SEMA3A: variants seen among roughly 807,000 people sequenced by gnomAD.
SEMA3A encodes semaphorin-3A.
In SEMA3A, 29 loss-of-function variants were observed where a neutral mutation model predicts 97.9. The ratio of observed to expected loss-of-function variants is 0.30; its 90% CI spans 0.22 to 0.40. The LOEUF is 0.40. Ranked by LOEUF, SEMA3A falls within the 10% of genes least tolerant of loss-of-function variation. The pLI, the probability that SEMA3A is intolerant of heterozygous loss-of-function variation, is 1.00. For synonymous variants in SEMA3A, 321 were observed against 323.7 expected (o/e 0.99, Z 0.09); for missense variants, 763 against 951.3 (o/e 0.80, Z 2.60).
At chr7:84,058,875 T>G (rs773989198) in intron 5 of SEMA3A, among the ~76,000 whole-genome samples, 1 of 152,034 alleles carries the variant, frequency 6.6e-6, no homozygotes, top group Non-Finnish European at 1.5e-5. Flanking sequence ...AACTGTGGAG[T>G]TTCGTTTTCT....
At chr7:84,195,423 G>T (rs544806970), upstream of SEMA3A, 7 of 64,740 alleles carry the variant, frequency 1.1e-4, no homozygotes, top group African/African-American at 5.5e-4. Flanking sequence ...GTATGTGTGC[G>T]TGTGTGTGTG....
intron 1 of SEMA3A, among the ~76,000 whole-genome samples, chr7:84,181,007 G>A (rs1301957163): frequency 1.3e-5 from 2 of 151,918 alleles, no homozygotes; most frequent in Admixed American, 6.6e-5. Context: ...AAAAAATTGG[G>A]AGTACAATAC....
chr7:84,425,625 T>C (rs1804798939), intron 1 of SEMA3A, among the ~76,000 whole-genome samples: 1 of 147,520 alleles, frequency 6.8e-6, no homozygotes, highest in African/African-American at 2.5e-5. Flanking sequence ...CATATATTTA[T>C]GTAAATATAA....
At chr7:84,157,169 C>A (rs759688688) in intron 1 of SEMA3A, among the ~76,000 whole-genome samples, 1 of 152,182 alleles carries the variant, frequency 6.6e-6, no homozygotes, top group East Asian at 1.9e-4. Flanking sequence ...ATTAACATGC[C>A]TTTGTGTATT....
At chr7:84,449,680 A>G (rs1805510291) in intron 1 of SEMA3A, among the ~76,000 whole-genome samples, 1 of 152,128 alleles carries the variant, frequency 6.6e-6, no homozygotes, top group African/African-American at 2.4e-5. Flanking sequence ...GAGTATATTA[A>G]TAAATATACT....
intron 3 of SEMA3A, among the ~76,000 whole-genome samples, chr7:84,286,491 C>T (rs1800591117): frequency 1.3e-5 from 2 of 152,030 alleles, no homozygotes; most frequent in African/African-American, 4.8e-5. Flanking sequence ...GGAAAGAAAA[C>T]CGTATTTAAA....
chr7:84,444,393 A>G (rs575136430), intron 1 of SEMA3A, among the ~76,000 whole-genome samples: 137 of 152,206 alleles, frequency 9.0e-4, no homozygotes, highest in Non-Finnish European at 1.3e-3. Context: ...GTCAAAAACA[A>G]GTGAGAAGTC....
At chr7:84,083,713 A>G (rs1794238475) in intron 4 of SEMA3A, among the ~76,000 whole-genome samples, 1 of 152,062 alleles carries the variant, frequency 6.6e-6, no homozygotes, top group Non-Finnish European at 1.5e-5. Context: ...ACTGACTCAG[A>G]TAAGTAATAA....
At chr7:84,140,202 T>C (rs911353120) in intron 1 of SEMA3A, among the ~76,000 whole-genome samples, 1 of 152,102 alleles carries the variant, frequency 6.6e-6, no homozygotes, top group Non-Finnish European at 1.5e-5. Flanking sequence ...ATACCAAGAC[T>C]GTATGTTTCC....
chr7:84,358,267 CAGGTCTAACATTTA>C (rs1562917913), intron 2 of SEMA3A, among the ~76,000 whole-genome samples: 1 of 151,930 alleles, frequency 6.6e-6, no homozygotes, highest in African/African-American at 2.4e-5. Flanking sequence ...TTTATGGTTT[CAGGTCTAACATTTA>C]AGTCTTTAAT....
intron 4 of SEMA3A, among the ~76,000 whole-genome samples, chr7:84,091,167 GGAAAGAAAGAAAGAAAGAAAGAAAGAAA>G (rs1165324789): frequency 2.3e-5 from 1 of 42,900 alleles, no homozygotes; most frequent in African/African-American, 7.7e-5. Flanking sequence ...AAGGAAGGAA[GGAAAGAAAGAAAGAAAGAAAGAAAGAAA>G]GAAAGAAAGA....
At chr7:84,422,409 T>C (rs1299400766) in intron 1 of SEMA3A, among the ~76,000 whole-genome samples, 1 of 151,640 alleles carries the variant, frequency 6.6e-6, no homozygotes, top group African/African-American at 2.4e-5. Flanking sequence ...CTTCTCTCTT[T>C]TATTCTTTAT....
rs867923847 is a variant in SEMA3A at position 83,986,843 on chromosome 7, A to T, written c.1453-1366T>A. ...TTCAGTTTTCTCATTTGAAAGTTAG[A>T]TGGTACCTCTTATGGGGTGGTGATA... On this transcript the variant is annotated intron_variant, in intron 12 of 16. Transcript: ENST00000265362. 4.1e-4 allele frequency among the ~76,000 whole-genome samples: 54 copies of T among 131,582 alleles called. 1 individual carries two copies. The highest frequency in any genetic ancestry group is 1.5e-3 in the African/African-American group (53 of 36,198). The allele number at this position is 131,582 out of a possible 152,430, so 86.3% of individuals were successfully genotyped here.
At chr7:84,423,337 A>G (rs1301355885) in intron 1 of SEMA3A, among the ~76,000 whole-genome samples, 2 of 152,058 alleles carry the variant, frequency 1.3e-5, no homozygotes, top group South Asian at 2.1e-4. Context: ...CTTCCACTGC[A>G]GTCCCACTGA....
At chr7:84,444,246 C>A (rs1358345875) in intron 1 of SEMA3A, among the ~76,000 whole-genome samples, 1 of 152,004 alleles carries the variant, frequency 6.6e-6, no homozygotes, top group Admixed American at 6.6e-5. Context: ...TGTTAAAATT[C>A]TTTGAAGAAA....
intron 6 of SEMA3A, among the ~76,000 whole-genome samples, chr7:84,016,695 G>A (rs532755842): frequency 6.6e-6 from 1 of 152,210 alleles, no homozygotes; most frequent in East Asian, 1.9e-4. Flanking sequence ...TTCAAACTGA[G>A]ATCTATTCAC....
chr7:83,970,330 G>A (rs752247436), intron 15 of SEMA3A, among the ~76,000 whole-genome samples: 32 of 152,088 alleles, frequency 2.1e-4, no homozygotes, highest in Non-Finnish European at 4.1e-4. Context: ...GCTTCCTTTT[G>A]TAACAACAAA....
chr7:84,259,587 C>T (rs1243076623), intron 3 of SEMA3A, among the ~76,000 whole-genome samples: 1 of 151,752 alleles, frequency 6.6e-6, no homozygotes, highest in Non-Finnish European at 1.5e-5. Context: ...AATTTTCCTG[C>T]AATAAATCCT....
At chr7:84,132,013 A>G (rs544683337) in intron 2 of SEMA3A, among the ~76,000 whole-genome samples, 1 of 152,008 alleles carries the variant, frequency 6.6e-6, no homozygotes, top group African/African-American at 2.4e-5. Context: ...GGGTTTCACT[A>G]TGTTGCACAG....
Sources: gnomAD v4.1 joint callset for allele counts (sites outside exome capture counted in the v4.1 genomes callset) on GRCh38, gnomAD v4.1.1 for gene constraint, MANE v1.5 for transcripts, NCBI Gene and HGNC (gene_info 2026-07-23, HGNC 2026-07-21) for gene names.